The following MYO3B variants were observed in gnomAD, a reference collection of about 807,000 sequenced individuals.
MYO3B encodes myosin IIIB.
MYO3B carries 156 observed loss-of-function variants against 174.6 expected under a neutral mutation model. That is an observed-to-expected ratio of 0.89 (90% CI 0.78 to 1.02). The LOEUF (loss-of-function observed/expected upper bound fraction) is 1.02. Ranked by LOEUF, MYO3B falls within the 50% of genes least tolerant of loss-of-function variation. The pLI, the probability that MYO3B is intolerant of heterozygous loss-of-function variation, is 0.00. For synonymous variants in MYO3B, 563 were observed against 569.1 expected (o/e 0.99, Z 0.15); for missense variants, 1,632 against 1,639.4 (o/e 1.00, Z 0.08).
At chr2:170,191,670 A>T (rs1356812827) in intron 1 of MYO3B, among the ~76,000 whole-genome samples, 2 of 152,136 alleles carry the variant, frequency 1.3e-5, no homozygotes, top group Non-Finnish European at 2.9e-5. Flanking sequence ...AAGTGCACAG[A>T]TTATCTCCGT....
intron 22 of MYO3B, among the ~76,000 whole-genome samples, chr2:170,438,552 T>C (rs1360077808): frequency 2.0e-5 from 3 of 152,234 alleles, no homozygotes; most frequent in Non-Finnish European, 4.4e-5. Context: ...CCCCCAATAG[T>C]GCAGAGAGTT....
chr2:170,382,829 C>A (rs2094345428), intron 10 of MYO3B: 1 of 324,832 alleles, frequency 3.1e-6, no homozygotes, highest in Non-Finnish European at 5.6e-6. Flanking sequence ...TTGGATATCT[C>A]AGTGTCTTTT....
At chr2:170,270,080 T>A (rs1047642156) in intron 7 of MYO3B, among the ~76,000 whole-genome samples, 7 of 152,202 alleles carry the variant, frequency 4.6e-5, no homozygotes, top group African/African-American at 1.7e-4. Context: ...CTTTGCATAT[T>A]TGAATGGTCA....
chr2:170,200,098 C>A, intron 2 of MYO3B, 52 bp from the exon 3 acceptor site: 14 of 1,561,874 alleles, frequency 9.0e-6, no homozygotes, highest in Non-Finnish European at 1.2e-5. Flanking sequence ...ATATCTGTAC[C>A]CTTCCTTACA....
intron 1 of MYO3B, among the ~76,000 whole-genome samples, chr2:170,184,159 G>A (rs1242002322): frequency 6.6e-6 from 1 of 151,936 alleles, no homozygotes; most frequent in African/African-American, 2.4e-5. Context: ...CAGGTTAAAT[G>A]GGGTATCCAT....
At chr2:170,537,356 A>G (rs1397694281) in intron 30 of MYO3B, among the ~76,000 whole-genome samples, 1 of 151,230 alleles carries the variant, frequency 6.6e-6, no homozygotes, top group East Asian at 1.9e-4. Flanking sequence ...CTCAAAAATA[A>G]TAATTCTGGT....
intron 32 of MYO3B, among the ~76,000 whole-genome samples, chr2:170,553,615 A>G (rs1691076026): frequency 6.6e-6 from 1 of 152,032 alleles, no homozygotes; most frequent in Non-Finnish European, 1.5e-5. Flanking sequence ...AAGACTTTGG[A>G]CTTGGACTTT....
intron 8 of MYO3B, among the ~76,000 whole-genome samples, chr2:170,365,008 C>T (rs1302923203): frequency 2.0e-5 from 3 of 152,226 alleles, no homozygotes; most frequent in Admixed American, 2.0e-4. Flanking sequence ...AGTATGACTT[C>T]TGCCTTTACT....
intron 30 of MYO3B, among the ~76,000 whole-genome samples, chr2:170,540,128 C>A (rs1427659545): frequency 6.6e-6 from 1 of 151,998 alleles, no homozygotes; most frequent in Non-Finnish European, 1.5e-5. Flanking sequence ...TCGAGACCAG[C>A]CTGTGCAATA....
intron 7 of MYO3B, among the ~76,000 whole-genome samples, chr2:170,330,148 C>A (rs2093901808): frequency 6.6e-6 from 1 of 152,156 alleles, no homozygotes; most frequent in African/African-American, 2.4e-5. Flanking sequence ...AGAGGTCCTG[C>A]TTTAAAATTC....
intron 32 of MYO3B, among the ~76,000 whole-genome samples, chr2:170,566,839 C>A (rs1408802204): frequency 6.6e-6 from 1 of 152,140 alleles, no homozygotes; most frequent in East Asian, 1.9e-4. Context: ...TCCTGGAAAG[C>A]AATTAGATTA....
chr2:170,294,243 A>G (rs557439490), intron 7 of MYO3B, among the ~76,000 whole-genome samples: 1 of 151,852 alleles, frequency 6.6e-6, no homozygotes, highest in South Asian at 2.1e-4. Context: ...CTTTGGGCTT[A>G]TCTTGCTGTT....
intron 32 of MYO3B, among the ~76,000 whole-genome samples, chr2:170,587,341 T>A (rs1693550696): frequency 6.6e-6 from 1 of 152,238 alleles, no homozygotes; most frequent in African/African-American, 2.4e-5. Context: ...GTGCTTGATT[T>A]AATCTCATGT....
chr2:170,392,350 A>C, intron 15 of MYO3B, 31 bp from the exon 16 acceptor site: 1 of 1,490,732 alleles, frequency 6.7e-7, no homozygotes, highest in Non-Finnish European at 9.2e-7. Flanking sequence ...GTCAGTGCTC[A>C]TTCTGTTTGG....
intron 32 of MYO3B, among the ~76,000 whole-genome samples, chr2:170,577,664 T>C (rs1319171480): frequency 2.0e-5 from 3 of 152,156 alleles, no homozygotes; most frequent in African/African-American, 7.2e-5. Flanking sequence ...AATTGTAGCT[T>C]TGGGTAGTGT....
At chr2:170,531,185 C>T (rs1174653592) in intron 30 of MYO3B, among the ~76,000 whole-genome samples, 1 of 152,188 alleles carries the variant, frequency 6.6e-6, no homozygotes, top group African/African-American at 2.4e-5. Flanking sequence ...AGGGAAGTAC[C>T]TGGAGTGATG....
intron 32 of MYO3B, among the ~76,000 whole-genome samples, chr2:170,562,771 A>G (rs1691798868): frequency 6.6e-6 from 1 of 152,192 alleles, no homozygotes. Context: ...GCCTGTTATA[A>G]CAGTTTACAT....
intron 32 of MYO3B, among the ~76,000 whole-genome samples, chr2:170,581,490 T>C: frequency 6.6e-6 from 1 of 152,310 alleles, no homozygotes; most frequent in East Asian, 1.9e-4. Flanking sequence ...GTTTTATTAG[T>C]TTCTTTTTTA....
chr2:170,413,478 G>T (rs1321372072), intron 22 of MYO3B, among the ~76,000 whole-genome samples: 1 of 152,186 alleles, frequency 6.6e-6, no homozygotes, highest in Non-Finnish European at 1.5e-5. Flanking sequence ...GCCGTGAGTG[G>T]TGGGGCTGTG....
Sources: gnomAD v4.1 joint callset for allele counts (sites outside exome capture counted in the v4.1 genomes callset) on GRCh38, gnomAD v4.1.1 for gene constraint, MANE v1.5 for transcripts, NCBI Gene and HGNC (gene_info 2026-07-23, HGNC 2026-07-21) for gene names.